Variants in C22orf23 observed in about 807,000 individuals in gnomAD.
The protein encoded by C22orf23 is UPF0193 protein EVG1.
A neutral mutation model predicts 29.7 loss-of-function variants in C22orf23; 30 were observed. The ratio of observed to expected loss-of-function variants is 1.01; its 90% CI spans 0.76 to 1.37. The LOEUF (loss-of-function observed/expected upper bound fraction) is 1.37, where lower values mean the gene tolerates loss of function less well. Ranked by LOEUF, C22orf23 falls within the 40% of genes most tolerant of loss-of-function variation. The probability of loss-of-function intolerance (pLI) is 0.00; values close to 1 mark genes in which losing one functional copy is unlikely to be tolerated. For synonymous variants in C22orf23, 90 were observed against 96.1 expected, an observed-to-expected ratio of 0.94 and a Z score of 0.37; for missense variants, 237 against 273.1, an observed-to-expected ratio of 0.87 and a Z score of 0.93.
At chr22:37,950,673 G>T (rs1011389361) in intron 3 of C22orf23, among the ~76,000 whole-genome samples, 1 of 151,992 alleles carries the variant, frequency 6.6e-6, no homozygotes, top group South Asian at 2.1e-4. Flanking sequence ...TTGGGAGGCC[G>T]AGGCGGGCAG....
At chr22:37,952,977 G>T in intron 2 of C22orf23, 70 bp downstream of exon 2, 3 of 1,143,514 alleles carry the variant, frequency 2.6e-6, no homozygotes, top group Non-Finnish European at 2.6e-6. Context: ...TCCGTCAGTG[G>T]AAAAATTGTC....
At chr22:37,945,811 A>C (rs990590559) in intron 4 of C22orf23, among the ~76,000 whole-genome samples, 2 of 120,946 alleles carry the variant, frequency 1.7e-5, no homozygotes, top group African/African-American at 7.6e-5. Flanking sequence ...TCCTATCTCT[A>C]AAAAAAAAAA....
At position 37,953,462 on chromosome 22, in the gene C22orf23, T is replaced by C. The variant is rs1931200085; in HGVS notation, c.-24A>G. 1.8e-6 allele frequency: 1 copy of C among 545,644 alleles called. No homozygotes were observed. Among genetic ancestry groups the C allele is most frequent in the Non-Finnish European group, 3.2e-6 (1 of 309,030 alleles). 33.8% of individuals were successfully genotyped at this position (545,644 alleles called of 1,614,324 possible). A position where few individuals can be genotyped will look rare whatever the true frequency, so the allele number is the denominator to read the frequency against. On this transcript the variant is annotated 5_prime_UTR_variant, in exon 1 of 7. Coordinates refer to ENST00000403305, the MANE Select transcript of C22orf23 (RefSeq NM_032561.5). ...TGAAATTTCACCCTAAGACCCTCTC[T>C]GGGTGCTCCCCTCTCCACATAGAAG... is the stretch of plus-strand genomic sequence containing the variant.
intron 4 of C22orf23, among the ~76,000 whole-genome samples, chr22:37,946,413 G>A (rs1315827596): frequency 6.6e-6 from 1 of 151,420 alleles, no homozygotes; most frequent in Non-Finnish European, 1.5e-5. Context: ...GTGACAGCGC[G>A]AGACTCCGTC....
At chr22:37,944,361 A>G (rs906703314) in intron 6 of C22orf23, 56 bp downstream of exon 6, 3 of 1,613,384 alleles carry the variant, frequency 1.9e-6, no homozygotes. Flanking sequence ...CTGTATTTCC[A>G]TTCGCACTTG....
intron 3 of C22orf23, chr22:37,951,107 G>T (rs1930984206): frequency 5.4e-6 from 1 of 186,054 alleles, no homozygotes; most frequent in Non-Finnish European, 1.1e-5. Flanking sequence ...AGCTACTTGG[G>T]AGGCTGAGGC....
intron 5 of C22orf23, 117 bp downstream of exon 5, chr22:37,944,925 G>A (rs1930604314): frequency 2.0e-6 from 2 of 978,300 alleles, no homozygotes. Context: ...TAAATAAATA[G>A]TGTTTCTCAC....
intron 3 of C22orf23, 143 bp downstream of exon 3, chr22:37,951,317 G>T: frequency 1.4e-6 from 1 of 720,864 alleles, no homozygotes; most frequent in Non-Finnish European, 2.4e-6. Context: ...CAGCCTCCCA[G>T]TGTTGGAATT....
At chr22:37,950,043 T>A in intron 3 of C22orf23, among the ~76,000 whole-genome samples, 1 of 151,652 alleles carries the variant, frequency 6.6e-6, no homozygotes, top group East Asian at 1.9e-4. Context: ...CAAGCAATCC[T>A]CCTGCCTTAG....
chr22:37,945,823 A>AT (rs1372767914), intron 4 of C22orf23, among the ~76,000 whole-genome samples: 1 of 150,600 alleles, frequency 6.6e-6, no homozygotes, highest in Non-Finnish European at 1.5e-5. Context: ...AAAAAAAAAA[A>AT]AAAAAAAAGT....
intron 4 of C22orf23, among the ~76,000 whole-genome samples, chr22:37,945,637 C>T (rs909229090): frequency 4.0e-5 from 6 of 150,410 alleles, no homozygotes; most frequent in South Asian, 2.1e-4. Flanking sequence ...TACAGGTGGA[C>T]GTCATCGTGC....
In C22orf23 at chr22:37,944,701, C is replaced by A. The variant is rs888288745; in HGVS notation, c.482-184G>T. 1.5e-5 allele frequency: 9 copies of A among 585,256 alleles called. No homozygotes were observed. The African/African-American group carries it at 1.7e-4, about 11-fold the overall frequency. 36.3% of individuals were successfully genotyped at this position (585,256 alleles called of 1,614,324 possible). On this transcript the variant is annotated intron_variant, in intron 5 of 6. Transcript: ENST00000403305. Reference sequence around the variant, plus strand: ...GGATCACGAGGTCAGGAGTTCGAGACCAGCCTGACCAACATGGTGAAACCC... The same window carrying A: ...GGATCACGAGGTCAGGAGTTCGAGAACAGCCTGACCAACATGGTGAAACCC...
rs369277812 is a variant in C22orf23 at position 37,945,494 on chromosome 22, C to CTT, written c.350-323_350-322dup. On this transcript the variant is annotated intron_variant, in intron 4 of 6. Coordinates refer to ENST00000403305, the MANE Select transcript of C22orf23 (RefSeq NM_032561.5). ...TGAGACCCCCATCTCTTTTTTTCTT[C>CTT]TTTTTTTTTTTTTTTTTTGAGACAA... is the stretch of plus-strand genomic sequence containing the variant. Among the ~76,000 whole-genome samples the CTT allele has an allele frequency of 1.2e-4, 16 of 129,102 alleles. No individual in the cohort carries two copies. In the South Asian group the frequency reaches 1.8e-3, roughly 15 times the overall value. 84.7% of individuals were successfully genotyped at this position (129,102 alleles called of 152,430 possible). A position where few individuals can be genotyped will look rare whatever the true frequency, so the allele number is the denominator to read the frequency against.
chr22:37,952,016 T>C (rs1931072805), intron 2 of C22orf23, among the ~76,000 whole-genome samples: 2 of 151,838 alleles, frequency 1.3e-5, no homozygotes, highest in African/African-American at 4.8e-5. Context: ...GGTTTCTCCA[T>C]GTTGGTCAGG....
At chr22:37,952,165 C>G (rs2145715187) in intron 2 of C22orf23, among the ~76,000 whole-genome samples, 2 of 152,162 alleles carry the variant, frequency 1.3e-5, no homozygotes, top group East Asian at 3.9e-4. Context: ...ACATGGTAGA[C>G]TTAAAAATGT....
rs112579297 is a variant in C22orf23 at position 37,946,877 on chromosome 22, A to G, written c.349+404T>C. On this transcript the variant is annotated intron_variant, in intron 4 of 6. Transcript: ENST00000403305. ...CACAGAGTAAGGCTCTGTCTTTAAA[A>G]AAAAAAAAAAAAAAAAAGTTTTGTC... is the stretch of plus-strand genomic sequence containing the variant. Among the ~76,000 whole-genome samples, 1,471 of 151,052 alleles carry G rather than the reference A, an allele frequency of 9.7e-3. 34 individuals are homozygous for G. Among genetic ancestry groups the G allele is most frequent in the African/African-American group, 0.034 (1,403 of 41,144 alleles).
chr22:37,945,534 G>A (rs1364553715), intron 4 of C22orf23, among the ~76,000 whole-genome samples: 5 of 140,748 alleles, frequency 3.6e-5, no homozygotes, highest in African/African-American at 1.1e-4. Flanking sequence ...TGACTCTGTC[G>A]CCCAGACTGG....
chr22:37,951,797 CTTTTTTTTTTTTTTTTTTT>C (rs551481283), intron 2 of C22orf23: 315 of 38,800 alleles, frequency 8.1e-3, no homozygotes, highest in Middle Eastern at 0.016. Flanking sequence ...TCCTCTTTCT[CTTTTTTTTTTTTTTTTTTT>C]TTTTTTTTTT....
chr22:37,952,968 C>G, intron 2 of C22orf23, 79 bp downstream of exon 2: 1 of 988,630 alleles, frequency 1.0e-6, no homozygotes, highest in Non-Finnish European at 1.6e-6. Flanking sequence ...CCCCACACCT[C>G]CGTCAGTGGA....
Sources: gnomAD v4.1 joint callset for allele counts (sites outside exome capture counted in the v4.1 genomes callset) on GRCh38, gnomAD v4.1.1 for gene constraint, MANE v1.5 for transcripts, NCBI Gene and HGNC (gene_info 2026-07-23, HGNC 2026-07-21) for gene names.